Variants in FOXP1 observed in about 807,000 individuals in gnomAD.
FOXP1 encodes forkhead box P1.
FOXP1 carries 15 observed loss-of-function variants against 98.2 expected under a neutral mutation model. The observed-to-expected ratio is 0.15, with a 90% CI of 0.10 to 0.24. The LOEUF is 0.24. Ranked by LOEUF, FOXP1 falls within the 10% of genes least tolerant of loss-of-function variation. FOXP1 has a pLI of 1.00. For synonymous variants in FOXP1, 371 were observed against 314.5 expected (o/e 1.18, Z -1.90); for missense variants, 633 against 848.5 (o/e 0.75, Z 3.15).
At chr3:71,372,385 C>A (rs963578054) in intron 3 of FOXP1, among the ~76,000 whole-genome samples, 3 of 152,138 alleles carry the variant, frequency 2.0e-5, no homozygotes, top group Admixed American at 6.5e-5. Flanking sequence ...CCTGGCTAGA[C>A]AGGCTTTCCC....
chr3:70,997,475 A>C (rs1284794187), intron 13 of FOXP1, among the ~76,000 whole-genome samples: 1 of 152,212 alleles, frequency 6.6e-6, no homozygotes. Flanking sequence ...AAGACTCTCA[A>C]TCGAATCCTT....
intron 4 of FOXP1, among the ~76,000 whole-genome samples, chr3:71,304,221 C>G (rs9827299): frequency 0.2 from 29,807 of 152,142 alleles, 3,058 homozygotes; most frequent in African/African-American, 0.22. Flanking sequence ...CTGGCAGCCC[C>G]CCACTCACTC....
intron 5 of FOXP1, among the ~76,000 whole-genome samples, chr3:71,254,177 T>C (rs2068443711): frequency 6.6e-6 from 1 of 152,180 alleles, no homozygotes; most frequent in African/African-American, 2.4e-5. Context: ...CTCTGGGTAT[T>C]TTCCTCCCCC....
chr3:71,359,747 CA>C (rs1374091251), intron 3 of FOXP1, among the ~76,000 whole-genome samples: 3 of 152,072 alleles, frequency 2.0e-5, no homozygotes, highest in Non-Finnish European at 4.4e-5. Flanking sequence ...CGGCTGGTCT[CA>C]AACTCCTGAG....
intron 4 of FOXP1, among the ~76,000 whole-genome samples, chr3:71,313,204 C>T (rs193257123): frequency 2.2e-4 from 33 of 151,384 alleles, no homozygotes; most frequent in East Asian, 1.8e-3. Flanking sequence ...GGAATACAGG[C>T]GCCCGCCACC....
intron 5 of FOXP1, among the ~76,000 whole-genome samples, chr3:71,208,533 A>AATTTCTGTGT (rs2064211320): frequency 2.8e-5 from 1 of 36,248 alleles, no homozygotes; most frequent in Non-Finnish European, 5.1e-5. Flanking sequence ...CTAGCATTTA[A>AATTTCTGTGT]GTTTGTGTGT....
chr3:71,245,488 G>A (rs2067659430), intron 5 of FOXP1: 1 of 151,486 alleles, frequency 6.6e-6, no homozygotes, highest in African/African-American at 2.4e-5. Flanking sequence ...TCCAAATAAA[G>A]ACCGTGCCAG....
chr3:71,241,342 G>A lies in FOXP1; in HGVS notation c.-11-42950C>T, dbSNP rs114446191. Among the ~76,000 whole-genome samples the A allele has an allele frequency of 4.5e-3, 688 of 152,266 alleles. 7 individuals are homozygous for A. The highest frequency in any genetic ancestry group is 0.015 in the African/African-American group (640 of 41,550). On this transcript the variant is annotated intron_variant, in intron 5 of 20. Transcript: ENST00000649528. Reference sequence around the variant, plus strand: ...GACCATAAACTACAGAACGGTGGGGGAAAAGCCATCATTTTAAATAATAGG... The same window carrying A: ...GACCATAAACTACAGAACGGTGGGGAAAAAGCCATCATTTTAAATAATAGG...
intron 7 of FOXP1, among the ~76,000 whole-genome samples, chr3:71,103,795 T>A (rs576354018): frequency 6.6e-6 from 1 of 152,342 alleles, no homozygotes; most frequent in South Asian, 2.1e-4. Flanking sequence ...TCAGCAGAAA[T>A]TCTTGCAGAC....
At chr3:71,186,108 T>G (rs1452909066) in intron 6 of FOXP1, among the ~76,000 whole-genome samples, 1 of 152,212 alleles carries the variant, frequency 6.6e-6, no homozygotes, top group East Asian at 1.9e-4. Flanking sequence ...ATACTGAGAA[T>G]AATATATTTT....
intron 2 of FOXP1, among the ~76,000 whole-genome samples, chr3:71,499,081 C>T (rs1444323891): frequency 6.6e-6 from 1 of 152,212 alleles, no homozygotes; most frequent in African/African-American, 2.4e-5. Context: ...CACTATCCCC[C>T]ACCCAGCTCT....
intron 20 of FOXP1, among the ~76,000 whole-genome samples, chr3:70,962,491 A>G (rs1289595932): frequency 6.6e-6 from 1 of 152,192 alleles, no homozygotes; most frequent in Non-Finnish European, 1.5e-5. Flanking sequence ...TGTGAAAAAT[A>G]TTTTGTTGCT....
At chr3:71,119,945 T>G (rs2058641837) in intron 6 of FOXP1, among the ~76,000 whole-genome samples, 5 of 152,124 alleles carry the variant, frequency 3.3e-5, no homozygotes, top group Admixed American at 2.6e-4. Context: ...AACAAGACAA[T>G]GGAAAAGTAA....
chr3:71,552,938 A>T (rs2045880124), intron 2 of FOXP1, among the ~76,000 whole-genome samples: 1 of 151,936 alleles, frequency 6.6e-6, no homozygotes, highest in African/African-American at 2.4e-5. Context: ...TTACCACATC[A>T]CCAGTAAGTT....
intron 11 of FOXP1, among the ~76,000 whole-genome samples, chr3:71,038,150 A>C (rs1037038604): frequency 2.6e-5 from 4 of 152,194 alleles, no homozygotes; most frequent in African/African-American, 4.8e-5. Flanking sequence ...GAGTTTTCCA[A>C]ATGGCATGGA....
chr3:71,130,671 C>G (rs1283235553), intron 6 of FOXP1: 1 of 1,589,090 alleles, frequency 6.3e-7, no homozygotes. Context: ...GAAGAGAAAA[C>G]ACACTGGAAC....
intron 2 of FOXP1, among the ~76,000 whole-genome samples, chr3:71,560,286 G>A (rs1234705987): frequency 2.0e-5 from 3 of 152,186 alleles, no homozygotes; most frequent in East Asian, 1.9e-4. Flanking sequence ...CTGCAATAAA[G>A]ATTATGTTAT....
At chr3:71,287,104 A>G (rs1004959575) in intron 5 of FOXP1, among the ~76,000 whole-genome samples, 1 of 152,234 alleles carries the variant, frequency 6.6e-6, no homozygotes, top group Admixed American at 6.5e-5. Context: ...AGATCGTTTA[A>G]TGATAAAAGC....
At chr3:71,310,911 T>C (rs1022618675) in intron 4 of FOXP1, among the ~76,000 whole-genome samples, 6 of 152,236 alleles carry the variant, frequency 3.9e-5, no homozygotes, top group African/African-American at 7.2e-5. Flanking sequence ...ATCTGGCTCT[T>C]GGCGGTTCCC....
Sources: allele counts gnomAD v4.1 joint callset (sites outside exome capture counted in the v4.1 genomes callset), GRCh38; gene constraint gnomAD v4.1.1; transcripts MANE v1.5; gene names NCBI Gene and HGNC (gene_info 2026-07-23, HGNC 2026-07-21).